HP1BP3: variants seen among roughly 807,000 people sequenced by gnomAD.
HP1BP3 encodes the protein heterochromatin protein 1-binding protein 3.
HP1BP3 carries 12 observed loss-of-function variants against 62.5 expected under a neutral mutation model. That is an observed-to-expected ratio of 0.19 (90% CI 0.12 to 0.31). The LOEUF (loss-of-function observed/expected upper bound fraction) is 0.31, where lower values mean the gene tolerates loss of function less well. Among genes scored for constraint, HP1BP3 ranks in the 10% least tolerant of loss-of-function variants. The pLI is 1.00. For missense variants in HP1BP3, 502 were observed against 651.8 expected (o/e 0.77, Z 2.50); for synonymous variants, 260 against 237.8 (o/e 1.09, Z -0.86).
At chr1:20,758,219 T>C (rs980034428) in intron 8 of HP1BP3, among the ~76,000 whole-genome samples, 4 of 152,232 alleles carry the variant, frequency 2.6e-5, no homozygotes, top group South Asian at 2.1e-4. Flanking sequence ...CATGCTGTAA[T>C]GGTCATACTA....
Position 20,780,460 on chromosome 1 carries a change from C to T in HP1BP3, c.-20G>A, listed in dbSNP as rs778437357. Reference sequence around the variant, plus strand: ...CGCCATTTTAAATAATTTCTAGGCCCGAGTACAGGTTACACTCTGAAGCCT... The same window carrying T: ...CGCCATTTTAAATAATTTCTAGGCCTGAGTACAGGTTACACTCTGAAGCCT... On this transcript the variant is annotated 5_prime_UTR_variant, in exon 2 of 13. Coordinates refer to ENST00000438032, the MANE Select transcript of HP1BP3 (RefSeq NM_001372052.1). 32 of 1,544,144 alleles carry T rather than the reference C, an allele frequency of 2.1e-5. 1 individual carries two copies. Among genetic ancestry groups the T allele is most frequent in the Admixed American group, 1.2e-4 (7 of 59,854 alleles).
At chr1:20,766,524 A>AT (rs2056791355) in intron 7 of HP1BP3, among the ~76,000 whole-genome samples, 2 of 152,246 alleles carry the variant, frequency 1.3e-5, no homozygotes, top group Non-Finnish European at 2.9e-5. Flanking sequence ...TCACTTTATT[A>AT]TTGTAGAAAT....
At chr1:20,779,938 A>G (rs553755117) in intron 2 of HP1BP3, 27 bp from the exon 3 acceptor site, 2 of 1,556,966 alleles carry the variant, frequency 1.3e-6, no homozygotes, top group Admixed American at 3.5e-5. Flanking sequence ...CCATAATCAA[A>G]CATGCATTAA....
At chr1:20,769,230 G>C (rs751011127) in intron 6 of HP1BP3, among the ~76,000 whole-genome samples, 19 of 152,108 alleles carry the variant, frequency 1.2e-4, no homozygotes, top group Non-Finnish European at 2.4e-4. Context: ...GTTGGGACTA[G>C]AGGCATGCAC....
In HP1BP3 at chr1:20,750,814, CTCT is replaced by C. The variant is rs1249606553; in HGVS notation, c.982-935_982-933del. On this transcript the variant is annotated intron_variant, in intron 9 of 12. Coordinates refer to ENST00000438032, the MANE Select transcript of HP1BP3 (RefSeq NM_001372052.1). ...TTAATGAACAATAAATATATTTTCT[CTCT>C]TTTTTTTTTTTTTTTTTTGAGACAG... Among the ~76,000 whole-genome samples, 60 of 107,184 alleles carry C rather than the reference CTCT, an allele frequency of 5.6e-4. No homozygotes were observed. In the East Asian group the frequency reaches 8.1e-3, roughly 15 times the overall value. The allele number at this position is 107,184 out of a possible 152,430, so 70.3% of individuals were successfully genotyped here. A position where few individuals can be genotyped will look rare whatever the true frequency, so the allele number is the denominator to read the frequency against.
At chr1:20,780,655 G>C in intron 1 of HP1BP3, 115 bp from the exon 2 acceptor site, 1 of 557,184 alleles carries the variant, frequency 1.8e-6, no homozygotes, top group Non-Finnish European at 3.2e-6. Context: ...TTATAGGTAA[G>C]TGACAGATGA....
chr1:20,762,982 G>T (rs1297661999), intron 8 of HP1BP3, among the ~76,000 whole-genome samples: 2 of 152,142 alleles, frequency 1.3e-5, no homozygotes, highest in African/African-American at 4.8e-5. Context: ...TGAGTTATAG[G>T]GATGGCTTCG....
intron 8 of HP1BP3, among the ~76,000 whole-genome samples, chr1:20,762,337 T>C (rs972311830): frequency 6.6e-6 from 1 of 152,128 alleles, no homozygotes; most frequent in Non-Finnish European, 1.5e-5. Context: ...TGACAATATG[T>C]TTCAAAAGAA....
chr1:20,780,670 G>C (rs1229431486), intron 1 of HP1BP3, 130 bp from the exon 2 acceptor site: 1 of 549,762 alleles, frequency 1.8e-6, no homozygotes, highest in East Asian at 2.8e-5. Context: ...AGATGATTTG[G>C]TTACTCAGAA....
In HP1BP3 at chr1:20,771,099, G is replaced by GTTT. The variant is rs200157360; in HGVS notation, c.511-29_511-27dup. ...CTAGAAAAGATTTATTAAACTAGTT[G>GTTT]TTTTTTTTTATTAGATAGAGCCTGA... On this transcript the variant is annotated intron_variant, in intron 5 of 12. Transcript: ENST00000438032. 12 of 1,538,674 alleles carry GTTT rather than the reference G, an allele frequency of 7.8e-6. No individual in the cohort carries two copies. The African/African-American group carries it at 1.6e-4, about 20-fold the overall frequency.
At chr1:20,781,506 G>A (rs1182127545) in intron 1 of HP1BP3, among the ~76,000 whole-genome samples, 1 of 152,176 alleles carries the variant, frequency 6.6e-6, no homozygotes, top group African/African-American at 2.4e-5. Flanking sequence ...GGAACACCAA[G>A]AACAATACCA....
chr1:20,749,975 C>A, intron 9 of HP1BP3, 93 bp from the exon 10 acceptor site: 1 of 1,523,576 alleles, frequency 6.6e-7, no homozygotes, highest in East Asian at 2.3e-5. Context: ...GGTCGGAGTT[C>A]CTGCATTAGC....
chr1:20,783,112 A>G (rs567620766), intron 1 of HP1BP3, among the ~76,000 whole-genome samples: 1,251 of 46,928 alleles, frequency 0.027, 9 homozygotes, highest in Non-Finnish European at 0.038. Context: ...ACCTTGGCTC[A>G]ATAATAATAA....
At chr1:20,765,679 TACA>T in intron 7 of HP1BP3, 148 bp from the exon 8 acceptor site, 1 of 651,512 alleles carries the variant, frequency 1.5e-6, no homozygotes. Flanking sequence ...GCATTAAAAA[TACA>T]TATAAAAGCT....
chr1:20,767,730 G>T, intron 6 of HP1BP3, 66 bp from the exon 7 acceptor site: 1 of 1,010,286 alleles, frequency 9.9e-7, no homozygotes, highest in Non-Finnish European at 1.5e-6. Flanking sequence ...GAAATTACAG[G>T]CCATGGTAAT....
intron 10 of HP1BP3, among the ~76,000 whole-genome samples, 166 bp downstream of exon 10, chr1:20,749,557 C>G (rs1355405776): frequency 6.6e-6 from 1 of 151,968 alleles, no homozygotes; most frequent in Non-Finnish European, 1.5e-5. Flanking sequence ...GATGGGGTTT[C>G]ACTATGTTGG....
Position 20,765,298 on chromosome 1 carries a change from AATCT to A in HP1BP3, c.890+75_890+78del. On this transcript the variant is annotated intron_variant, in intron 8 of 12. Coordinates refer to ENST00000438032, the MANE Select transcript of HP1BP3 (RefSeq NM_001372052.1). Reference sequence around the variant, plus strand: ...TGAAAGTAATCCTTCCTCAGTATTTAATCTATCTCTTTTCCCATGAAAAGGGAGC... The same window carrying A: ...TGAAAGTAATCCTTCCTCAGTATTTAATCTCTTTTCCCATGAAAAGGGAGC... 6 of 921,444 alleles carry A rather than the reference AATCT, an allele frequency of 6.5e-6. No homozygotes were observed. The South Asian group carries it at 8.8e-5, about 14-fold the overall frequency. The allele number at this position is 921,444 out of a possible 1,614,324, so 57.1% of individuals were successfully genotyped here.
intron 5 of HP1BP3, among the ~76,000 whole-genome samples, chr1:20,773,004 C>G (rs183258188): frequency 6.6e-6 from 1 of 152,158 alleles, no homozygotes; most frequent in East Asian, 1.9e-4. Context: ...AGAAATGAAC[C>G]TAGAGATATT....
rs747769198 is a variant in HP1BP3, at chr1:20,773,488, C to T, written c.473G>A (p.Arg158His). 5 of 1,612,778 alleles carry T rather than the reference C, an allele frequency of 3.1e-6. No homozygotes were observed. Among genetic ancestry groups the T allele is most frequent in the Non-Finnish European group, 3.4e-6 (4 of 1,179,304 alleles). Residue 158 changes from arginine to histidine, a missense_variant, in exon 5 of 13, where the codon CGT becomes CAT. By Grantham distance (29) the Arg-to-His change is conservative (BLOSUM62 0). Transcript: ENST00000438032. Reference protein sequence around the residue: ...QKQTPMASSPRPKMDAILTEA... With the variant: ...QKQTPMASSPHPKMDAILTEA... ...AGTTAAGATTGCATCCATCTTGGGA[C>T]GTGGGGAAGAAGCCATCGGTGTTTG...
Sources: allele counts gnomAD v4.1 joint callset (sites outside exome capture counted in the v4.1 genomes callset), GRCh38; gene constraint gnomAD v4.1.1; transcripts MANE v1.5; gene names NCBI Gene and HGNC (gene_info 2026-07-23, HGNC 2026-07-21).